LRRC7: variants seen among roughly 807,000 people sequenced by gnomAD.
LRRC7 encodes the protein leucine rich repeat containing 7.
Under a neutral mutation model 175.7 loss-of-function variants are expected in LRRC7, and 23 were observed. The observed-to-expected ratio is 0.13, with a 90% CI of 0.09 to 0.19. The LOEUF is 0.19. Ranked by LOEUF, LRRC7 falls within the 10% of genes least tolerant of loss-of-function variation. The pLI is 1.00. For missense variants in LRRC7, 1,354 were observed against 1,904.7 expected (o/e 0.71, Z 5.38); for synonymous variants, 685 against 680.9 (o/e 1.01, Z -0.09).
chr1:69,765,687 C>T (rs998835365), intron 3 of LRRC7, among the ~76,000 whole-genome samples: 3 of 152,076 alleles, frequency 2.0e-5, no homozygotes, highest in African/African-American at 7.2e-5. Flanking sequence ...TATGCCTTCA[C>T]TGAACAAGAA....
chr1:69,604,250 A>G (rs1232885442), intron 1 of LRRC7, among the ~76,000 whole-genome samples: 3 of 152,140 alleles, frequency 2.0e-5, no homozygotes, highest in Non-Finnish European at 4.4e-5. Flanking sequence ...ATTTTACATG[A>G]TTTGGCCAAG....
At position 70,100,348 on chromosome 1, in the gene LRRC7, G is replaced by GAT. The variant is rs986159335; in HGVS notation, c.4546-7397_4546-7396dup. ...TAACAGCTCTGAAGAGCATCATCTT[G>GAT]ATATATATGCTACTAAACAAACTTT... is the stretch of plus-strand genomic sequence containing the variant. On this transcript the variant is annotated intron_variant, in intron 25 of 26. Transcript: ENST00000651989. Among the ~76,000 whole-genome samples the GAT allele has an allele frequency of 2.1e-4, 32 of 152,138 alleles. 1 individual carries two copies. The highest frequency in any genetic ancestry group is 7.0e-4 in the African/African-American group (29 of 41,546).
At chr1:69,721,315 C>T (rs994174713) in intron 2 of LRRC7, among the ~76,000 whole-genome samples, 2 of 151,782 alleles carry the variant, frequency 1.3e-5, no homozygotes, top group African/African-American at 4.8e-5. Context: ...TGACTTATAT[C>T]CACAATTATA....
At chr1:69,911,011 A>G (rs1232371726) in intron 7 of LRRC7, among the ~76,000 whole-genome samples, 1 of 152,090 alleles carries the variant, frequency 6.6e-6, no homozygotes, top group Non-Finnish European at 1.5e-5. Flanking sequence ...CATGTGGGGG[A>G]TATAATCTCC....
chr1:69,803,849 G>A (rs899457095), intron 4 of LRRC7, among the ~76,000 whole-genome samples: 4 of 151,038 alleles, frequency 2.6e-5, no homozygotes, highest in Non-Finnish European at 5.9e-5. Context: ...ATCTGTGAAT[G>A]TTTTCTCCAT....
intron 16 of LRRC7, 117 bp downstream of exon 16, chr1:70,021,246 A>G: frequency 2.2e-6 from 2 of 906,274 alleles, no homozygotes; most frequent in South Asian, 3.4e-5. Context: ...TCATGGCGGT[A>G]CCTTTCATTA....
intron 4 of LRRC7, among the ~76,000 whole-genome samples, chr1:69,818,369 T>G (rs143045154): frequency 6.6e-6 from 1 of 152,152 alleles, no homozygotes. Flanking sequence ...AGTAAAATGA[T>G]CATATGATTC....
intron 2 of LRRC7, 45 bp downstream of exon 2, chr1:69,678,523 G>T: frequency 7.2e-7 from 1 of 1,383,004 alleles, no homozygotes; most frequent in Non-Finnish European, 1.0e-6. Context: ...ATAGATTTTG[G>T]TGAGTAGCAT....
At chr1:69,731,521 A>G (rs780947774) in intron 2 of LRRC7, among the ~76,000 whole-genome samples, 1 of 152,188 alleles carries the variant, frequency 6.6e-6, no homozygotes, top group African/African-American at 2.4e-5. Context: ...ACACAAGAAA[A>G]TGTGCTTATT....
intron 2 of LRRC7, among the ~76,000 whole-genome samples, chr1:69,696,588 A>C (rs1662614557): frequency 6.6e-6 from 1 of 151,690 alleles, no homozygotes; most frequent in Admixed American, 6.6e-5. Flanking sequence ...TATGGCTTAG[A>C]TATTTTCTCC....
At chr1:69,975,648 A>G in intron 8 of LRRC7, among the ~76,000 whole-genome samples, 1 of 152,184 alleles carries the variant, frequency 6.6e-6, no homozygotes, top group East Asian at 1.9e-4. Context: ...GCTGATGTAT[A>G]CAAAATTCTT....
intron 7 of LRRC7, among the ~76,000 whole-genome samples, chr1:69,892,750 A>C (rs1489192829): frequency 6.6e-6 from 1 of 152,164 alleles, no homozygotes; most frequent in Non-Finnish European, 1.5e-5. Flanking sequence ...CCTGTTACAC[A>C]TGAGAAAATT....
intron 7 of LRRC7, among the ~76,000 whole-genome samples, chr1:69,864,431 T>A (rs181317595): frequency 3.3e-5 from 5 of 152,210 alleles, no homozygotes; most frequent in African/African-American, 1.2e-4. Context: ...GCTTCAAACA[T>A]GTACTATTAA....
At chr1:69,811,893 C>A (rs1008214193) in intron 4 of LRRC7, among the ~76,000 whole-genome samples, 9 of 152,060 alleles carry the variant, frequency 5.9e-5, no homozygotes, top group Non-Finnish European at 1.2e-4. Context: ...ACATTCTGTG[C>A]ATGTATCCCA....
intron 1 of LRRC7, among the ~76,000 whole-genome samples, chr1:69,637,806 GT>G (rs1178616020): frequency 6.6e-6 from 1 of 151,864 alleles, no homozygotes; most frequent in Non-Finnish European, 1.5e-5. Flanking sequence ...GACAAAGAAT[GT>G]TTTTTAAAGA....
intron 7 of LRRC7, among the ~76,000 whole-genome samples, chr1:69,927,726 T>C (rs946974711): frequency 6.6e-6 from 1 of 152,202 alleles, no homozygotes. Context: ...TTTTTCAAAA[T>C]TTTTAACTTC....
intron 1 of LRRC7, among the ~76,000 whole-genome samples, chr1:69,598,389 A>G (rs922840887): frequency 6.6e-6 from 1 of 152,186 alleles, no homozygotes; most frequent in African/African-American, 2.4e-5. Context: ...AGATATATCT[A>G]TCTATCTAGA....
At chr1:70,093,702 A>G (rs1001340951) in intron 25 of LRRC7, among the ~76,000 whole-genome samples, 3 of 152,186 alleles carry the variant, frequency 2.0e-5, no homozygotes, top group Admixed American at 6.6e-5. Flanking sequence ...AATTAGGAGC[A>G]TACTGTACAG....
At chr1:69,756,792 A>G (rs1309901351) in intron 2 of LRRC7, among the ~76,000 whole-genome samples, 1 of 151,990 alleles carries the variant, frequency 6.6e-6, no homozygotes, top group Admixed American at 6.6e-5. Context: ...AATAGGAAAT[A>G]TAACACAGGA....
Sources: allele counts gnomAD v4.1 joint callset (sites outside exome capture counted in the v4.1 genomes callset), GRCh38; gene constraint gnomAD v4.1.1; transcripts MANE v1.5; gene names NCBI Gene and HGNC (gene_info 2026-07-23, HGNC 2026-07-21).